TG: variants seen among roughly 807,000 people sequenced by gnomAD.
The protein encoded by TG is thyroglobulin.
In TG, 270 loss-of-function variants were observed where a neutral mutation model predicts 324.7. The ratio of observed to expected loss-of-function variants is 0.83; its 90% CI spans 0.75 to 0.92. The LOEUF (loss-of-function observed/expected upper bound fraction) is 0.92, where lower values mean the gene tolerates loss of function less well. Ranked by LOEUF, TG falls within the 40% of genes least tolerant of loss-of-function variation. The probability of loss-of-function intolerance (pLI) is 0.00; values close to 1 mark genes in which losing one functional copy is unlikely to be tolerated. For synonymous variants in TG, 1,401 were observed against 1,327.0 expected (o/e 1.06, Z -1.21); for missense variants, 3,591 against 3,456.4 (o/e 1.04, Z -0.98).
chr8:133,010,967 C>T (rs920744903), intron 35 of TG, among the ~76,000 whole-genome samples: 1 of 152,208 alleles, frequency 6.6e-6, no homozygotes, highest in Non-Finnish European at 1.5e-5. Flanking sequence ...CCCTCACAGG[C>T]CAGTCATTTT....
At chr8:133,085,269 G>T (rs140574160) in intron 41 of TG, among the ~76,000 whole-genome samples, 1 of 152,120 alleles carries the variant, frequency 6.6e-6, no homozygotes, top group Admixed American at 6.5e-5. Context: ...AGAATGCAAG[G>T]CAGAACTCGT....
intron 41 of TG, chr8:133,047,548 A>G: frequency 2.2e-6 from 1 of 459,032 alleles, no homozygotes; most frequent in Non-Finnish European, 4.0e-6. Flanking sequence ...CACTGCGTTC[A>G]GTTTTGTTCT....
At chr8:132,996,355 T>A (rs1832885864) in intron 35 of TG, among the ~76,000 whole-genome samples, 2 of 152,240 alleles carry the variant, frequency 1.3e-5, no homozygotes, top group Admixed American at 1.3e-4. Flanking sequence ...ATGTGAATAA[T>A]AATAATCTTA....
rs5895172 is a variant in TG, at chr8:133,045,387, C to CTTTTTTT, written c.7239+15383_7239+15389dup. On this transcript the variant is annotated intron_variant, in intron 41 of 47. Coordinates refer to ENST00000220616, the MANE Select transcript of TG (RefSeq NM_003235.5). ...AGGAACACAGGTTTCATCCTCTTTG[C>CTTTTTTT]TTTTTTTTTTTTTTTTTTTTTTTTT... Among the ~76,000 whole-genome samples, 252 of 65,896 alleles carry CTTTTTTT rather than the reference C, an allele frequency of 3.8e-3. 1 individual carries two copies. Among genetic ancestry groups the CTTTTTTT allele is most frequent in the Non-Finnish European group, 4.3e-3 (168 of 38,760 alleles). 43.2% of individuals were successfully genotyped at this position (65,896 alleles called of 152,430 possible). A position where few individuals can be genotyped will look rare whatever the true frequency, so the allele number is the denominator to read the frequency against.
chr8:132,882,361 C>A, intron 6 of TG, 108 bp from the exon 7 acceptor site: 1 of 1,299,822 alleles, frequency 7.7e-7, no homozygotes, highest in South Asian at 1.2e-5. Flanking sequence ...GACTTATTGC[C>A]TAATGATGCT....
At chr8:132,888,620 T>TGC in intron 10 of TG, 52 bp downstream of exon 10, 1 of 1,515,406 alleles carries the variant, frequency 6.6e-7, no homozygotes, top group Non-Finnish European at 8.9e-7. Flanking sequence ...TGTGTGTGTG[T>TGC]GTATGTGTGT....
intron 11 of TG, among the ~76,000 whole-genome samples, chr8:132,896,829 A>C (rs1418156312): frequency 5.3e-5 from 8 of 152,180 alleles, no homozygotes; most frequent in Non-Finnish European, 1.2e-4. Context: ...GGAGGAGACA[A>C]ATCTAACACA....
rs772813183 is a variant in TG at position 132,897,691 on chromosome 8, C to T, written c.3044C>T (p.Ser1015Leu). 47 of 1,614,104 alleles carry T rather than the reference C, an allele frequency of 2.9e-5. 1 individual carries two copies. The highest frequency in any genetic ancestry group is 5.5e-5 in the South Asian group (5 of 91,086). Residue 1015 changes from serine (S) to leucine (L), a missense_variant, in exon 12 of 48, where the codon TCG (serine) becomes TTG (leucine). Coordinates refer to ENST00000220616, the MANE Select transcript of TG (RefSeq NM_003235.5). ...AGACGCCGCTTTTCCCCGGACGACT[C>T]GGCTGGAGCATCCGCCCTTCTGCGG... ...YQRRRFSPDD[S>L]AGASALLRSG...
At chr8:132,959,541 G>A (rs578224748) in intron 27 of TG, among the ~76,000 whole-genome samples, 2 of 152,166 alleles carry the variant, frequency 1.3e-5, no homozygotes, top group Non-Finnish European at 2.9e-5. Context: ...AGTATATAGA[G>A]CGTCTAGGCT....
chr8:133,025,456 G>T (rs1835985612), intron 40 of TG, among the ~76,000 whole-genome samples: 1 of 152,216 alleles, frequency 6.6e-6, no homozygotes, highest in Admixed American at 6.5e-5. Flanking sequence ...AGAAAAGTGA[G>T]CAGAAAGGAC....
intron 16 of TG, among the ~76,000 whole-genome samples, chr8:132,904,205 G>A (rs1818344619): frequency 6.6e-6 from 1 of 152,296 alleles, no homozygotes; most frequent in Admixed American, 6.5e-5. Flanking sequence ...TGGAGTCAAC[G>A]CCTGGGAGGC....
chr8:132,873,882 G>A (rs1022127771), intron 5 of TG, among the ~76,000 whole-genome samples: 25 of 152,116 alleles, frequency 1.6e-4, no homozygotes, highest in African/African-American at 6.0e-4. Flanking sequence ...AGAAAGAGTA[G>A]GCAGAAGGCC....
intron 43 of TG, among the ~76,000 whole-genome samples, chr8:133,112,794 C>T (rs999843667): frequency 1.3e-5 from 2 of 152,154 alleles, no homozygotes; most frequent in African/African-American, 2.4e-5. Context: ...AGCACCTGTT[C>T]CCTGATATAC....
In TG at chr8:132,901,469, G is replaced by T. The variant is rs997010805; in HGVS notation, c.3550G>T (p.Ala1184Ser). The stretch of plus-strand genomic sequence containing the variant: ...CTTTTCCCCAGTGCAATGTGACCAG[G>T]CCCAGGGCAGCTGCTGGTGTGTCAT... ...GGFSPVQCDQAQGSCWCVMDS... is the reference protein window; with the variant it reads ...GGFSPVQCDQSQGSCWCVMDS... Residue 1184 changes from alanine (A) to serine (S), a missense_variant, in exon 16 of 48, where the codon GCC (alanine) becomes TCC (serine). Physicochemically the swap from Ala to Ser is moderately conservative, Grantham distance 99 (BLOSUM62 1). Transcript: ENST00000220616. 3.7e-6 allele frequency: 6 copies of T among 1,614,076 alleles called. No homozygotes were observed. In the Admixed American group the frequency reaches 1.0e-4, roughly 27 times the overall value.
intron 38 of TG, among the ~76,000 whole-genome samples, chr8:133,018,439 A>G (rs1835259604): frequency 6.6e-6 from 1 of 152,134 alleles, no homozygotes; most frequent in South Asian, 2.1e-4. Context: ...CTTCCTGGCC[A>G]TATCTGATCT....
At chr8:133,075,708 T>C (rs1294180998) in intron 41 of TG, among the ~76,000 whole-genome samples, 1 of 152,178 alleles carries the variant, frequency 6.6e-6, no homozygotes, top group Admixed American at 6.5e-5. Flanking sequence ...ACAAAAGTTA[T>C]TGTGGTTTCT....
intron 41 of TG, chr8:133,050,913 G>C: frequency 6.2e-7 from 1 of 1,608,306 alleles, no homozygotes; most frequent in Admixed American, 1.7e-5. Context: ...TCGCTATCCA[G>C]TCCTGGGGAA....
intron 26 of TG, among the ~76,000 whole-genome samples, chr8:132,948,511 C>CTT (rs1825666652): frequency 1.3e-5 from 2 of 152,078 alleles, no homozygotes; most frequent in African/African-American, 4.8e-5. Context: ...GCTATGGATG[C>CTT]CATGAAGGAA....
intron 5 of TG, among the ~76,000 whole-genome samples, chr8:132,878,553 T>C (rs1156445025): frequency 6.7e-6 from 1 of 149,524 alleles, no homozygotes; most frequent in East Asian, 2.0e-4. Context: ...GAGAATCACT[T>C]GAGCCAAGAT....
Sources: gnomAD v4.1 joint callset for allele counts (sites outside exome capture counted in the v4.1 genomes callset) on GRCh38, gnomAD v4.1.1 for gene constraint, MANE v1.5 for transcripts, NCBI Gene and HGNC (gene_info 2026-07-23, HGNC 2026-07-21) for gene names.